DSCAML1: variants seen among roughly 807,000 people sequenced by gnomAD.
DSCAML1 encodes cell adhesion molecule DSCAML1.
A neutral mutation model predicts 200.5 loss-of-function variants in DSCAML1; 38 were observed. That is an observed-to-expected ratio of 0.19 (90% confidence interval 0.15 to 0.25). The LOEUF (loss-of-function observed/expected upper bound fraction) is 0.25. Among genes scored for constraint, DSCAML1 ranks in the 10% least tolerant of loss-of-function variants. DSCAML1 has a pLI of 1.00. For synonymous variants in DSCAML1, 1,215 were observed against 1,165.0 expected (o/e 1.04, Z -0.87); for missense variants, 2,223 against 2,858.8 (o/e 0.78, Z 5.07).
At chr11:117,438,205 T>C (rs2047963188) in intron 24 of DSCAML1, 122 bp from the exon 25 acceptor site, 7 of 974,734 alleles carry the variant, frequency 7.2e-6, no homozygotes, top group Non-Finnish European at 5.9e-6. Context: ...CTTTTGGTCA[T>C]TGGAACGGGC....
At chr11:117,699,394 T>C (rs531929110) in intron 3 of DSCAML1, among the ~76,000 whole-genome samples, 1 of 152,192 alleles carries the variant, frequency 6.6e-6, no homozygotes, top group Admixed American at 6.5e-5. Flanking sequence ...AGAATGTGAA[T>C]AGGAACTTTG....
In DSCAML1 at chr11:117,484,886, A is replaced by AGTGTGTGTGT. The variant is rs55850829; in HGVS notation, c.2360-2734_2360-2725dup. On this transcript the variant is annotated intron_variant, in intron 11 of 32. Transcript: ENST00000651296. ...TGAAGCCACAGAGAAGCAGAGGAAC[A>AGTGTGTGTGT]GTGTGTGTGTGTGTGTGTGTGTGTG... Among the ~76,000 whole-genome samples, 508 of 119,178 alleles carry AGTGTGTGTGT rather than the reference A, an allele frequency of 4.3e-3. 2 individuals carry two copies. Among genetic ancestry groups the AGTGTGTGTGT allele is most frequent in the Non-Finnish European group, 6.2e-3 (350 of 56,412 alleles). 78.2% of individuals were successfully genotyped at this position (119,178 alleles called of 152,430 possible).
upstream of DSCAML1, among the ~76,000 whole-genome samples, chr11:117,797,852 G>C (rs1479067145): frequency 2.0e-5 from 3 of 152,144 alleles, no homozygotes; most frequent in East Asian, 5.8e-4. Flanking sequence ...CGCTACCTGT[G>C]TTATCTTCCT....
At chr11:117,774,504 A>C (rs1391026800) in intron 3 of DSCAML1, among the ~76,000 whole-genome samples, 1 of 152,202 alleles carries the variant, frequency 6.6e-6, no homozygotes, top group Non-Finnish European at 1.5e-5. Context: ...AGGTGGGGAA[A>C]TGGAGGGGGT....
At chr11:117,751,934 C>T (rs1267126588) in intron 3 of DSCAML1, among the ~76,000 whole-genome samples, 3 of 152,182 alleles carry the variant, frequency 2.0e-5, no homozygotes, top group Non-Finnish European at 1.5e-5. Context: ...CCGAGATTCT[C>T]ATAGGCGCTA....
intron 1 of DSCAML1, among the ~76,000 whole-genome samples, chr11:117,811,020 G>A (rs1173288533): frequency 1.3e-5 from 2 of 152,200 alleles, no homozygotes; most frequent in East Asian, 3.9e-4. Context: ...CCTCCACCCT[G>A]TAATCTTTTT....
At chr11:117,488,398 A>G (rs966191173) in intron 11 of DSCAML1, among the ~76,000 whole-genome samples, 1 of 152,228 alleles carries the variant, frequency 6.6e-6, no homozygotes, top group African/African-American at 2.4e-5. Flanking sequence ...GAGTCGCAGT[A>G]ATAAACAAGA....
In DSCAML1 at chr11:117,599,137, A is replaced by AGAAAT. The variant is rs11283847; in HGVS notation, c.512-66616_512-66615insATTTC. Among the ~76,000 whole-genome samples the AGAAAT allele has an allele frequency of 1.6e-4, 4 of 24,562 alleles. No homozygotes were observed. In the East Asian group the frequency reaches 2.8e-3, roughly 17 times the overall value. 16.1% of individuals were successfully genotyped at this position (24,562 alleles called of 152,430 possible). Reference sequence around the variant, plus strand: ...ATTTCAGGGCAGTAGCCGCAAAACCACCTCACAGGTGAATTTCACCTCTTG... The same window carrying AGAAAT: ...ATTTCAGGGCAGTAGCCGCAAAACCAGAAATCCTCACAGGTGAATTTCACCTCTTG... On this transcript the variant is annotated intron_variant, in intron 3 of 32. Coordinates refer to ENST00000651296, the MANE Select transcript of DSCAML1 (RefSeq NM_020693.4).
chr11:117,798,998 G>C (rs372476348), upstream of DSCAML1, among the ~76,000 whole-genome samples: 1 of 152,120 alleles, frequency 6.6e-6, no homozygotes. Context: ...CAGACTGCAG[G>C]GGGTGTTTGA....
chr11:117,458,686 TG>T, intron 19 of DSCAML1, 67 bp downstream of exon 19: 1 of 1,573,448 alleles, frequency 6.4e-7, no homozygotes. Context: ...CCCTGCCTCC[TG>T]GGGTGGGGCT....
intron 3 of DSCAML1, among the ~76,000 whole-genome samples, chr11:117,552,928 G>T (rs1205610808): frequency 1.3e-5 from 2 of 152,162 alleles, no homozygotes; most frequent in African/African-American, 4.8e-5. Context: ...ATTGTCCCAG[G>T]CTGGCCCGGG....
Position 117,797,122 on chromosome 11 carries a change from C to T in DSCAML1, c.-43G>A. 1 of 1,589,300 alleles carries T rather than the reference C, an allele frequency of 6.3e-7. No individual in the cohort carries two copies. Among genetic ancestry groups the T allele is most frequent in the Non-Finnish European group, 8.6e-7 (1 of 1,168,814 alleles). On this transcript the variant is annotated 5_prime_UTR_variant, in exon 1 of 33. Coordinates refer to ENST00000651296, the MANE Select transcript of DSCAML1 (RefSeq NM_020693.4). ...TTCTCCGGGGAGGTGGTCCTGTGGCCGGCCGTGCGGCAGCGCCTCTCCCCC... is the reference window on the plus strand; with the variant it reads ...TTCTCCGGGGAGGTGGTCCTGTGGCTGGCCGTGCGGCAGCGCCTCTCCCCC...
Position 117,430,865 on chromosome 11 carries a change from G to A in DSCAML1, c.5543C>T (p.Thr1848Ile), listed in dbSNP as rs2047774799. 1 of 1,614,082 alleles carries A rather than the reference G, an allele frequency of 6.2e-7. No homozygotes were observed. The highest frequency in any genetic ancestry group is 1.3e-5 in the African/African-American group (1 of 74,926). The change falls in exon 32 of 33, where the codon ACC (threonine) becomes ATC (isoleucine). Residue 1848 changes from threonine (T) to isoleucine (I), a missense_variant. By Grantham distance (89) the Thr-to-Ile change is moderately conservative. This residue lies in a region of DSCAML1 where 96 missense variants were observed against 160.7 expected (regional missense o/e 0.60). Transcript: ENST00000651296. ...DSSSDQMTTGTNENADSMTSM... is the reference protein window; with the variant it reads ...DSSSDQMTTGINENADSMTSM... Reference sequence around the variant, plus strand: ...TGTCATGCTGTCGGCGTTCTCGTTGGTGCCTGTGGTCATCTGGTCAGAGGA... The same window carrying A: ...TGTCATGCTGTCGGCGTTCTCGTTGATGCCTGTGGTCATCTGGTCAGAGGA...
At chr11:117,637,232 A>T (rs776643474) in intron 3 of DSCAML1, among the ~76,000 whole-genome samples, 1 of 151,774 alleles carries the variant, frequency 6.6e-6, no homozygotes, top group Non-Finnish European at 1.5e-5. Flanking sequence ...CATCCTAATT[A>T]CCTGTGTAAG....
At chr11:117,725,189 G>T (rs548763137) in intron 3 of DSCAML1, among the ~76,000 whole-genome samples, 4 of 152,176 alleles carry the variant, frequency 2.6e-5, no homozygotes, top group Non-Finnish European at 5.9e-5. Flanking sequence ...TAGCTGGGCC[G>T]GTCTCCGTGG....
intron 3 of DSCAML1, among the ~76,000 whole-genome samples, chr11:117,602,271 G>A (rs2051480253): frequency 6.6e-6 from 1 of 152,234 alleles, no homozygotes; most frequent in Admixed American, 6.5e-5. Context: ...CGGGCCCTGG[G>A]CACACGTGGC....
chr11:117,508,000 T>C (rs2049537148), intron 8 of DSCAML1, among the ~76,000 whole-genome samples: 1 of 152,136 alleles, frequency 6.6e-6, no homozygotes, highest in Non-Finnish European at 1.5e-5. Context: ...TCTCTCTTGT[T>C]GGGCCCCTGC....
At chr11:117,453,375 A>C (rs1300972029) in intron 19 of DSCAML1, among the ~76,000 whole-genome samples, 1 of 152,202 alleles carries the variant, frequency 6.6e-6, no homozygotes, top group Non-Finnish European at 1.5e-5. Flanking sequence ...GCTTCCTCCT[A>C]CAATCATTTT....
chr11:117,585,728 G>A (rs985350209), intron 3 of DSCAML1, among the ~76,000 whole-genome samples: 1 of 152,220 alleles, frequency 6.6e-6, no homozygotes, highest in Non-Finnish European at 1.5e-5. Flanking sequence ...TGGCTGAGGA[G>A]GGTGGGAGAA....
Sources: gnomAD v4.1 joint callset for allele counts (sites outside exome capture counted in the v4.1 genomes callset) on GRCh38, gnomAD v4.1.1 for gene constraint, gnomAD v4.1.1 regional missense constraint, MANE v1.5 for transcripts, NCBI Gene and HGNC (gene_info 2026-07-23, HGNC 2026-07-21) for gene names.